MRPS18A: variants seen among roughly 807,000 people sequenced by gnomAD.
MRPS18A encodes the protein mitochondrial ribosomal protein S18A, also known as large ribosomal subunit protein mL66.
In MRPS18A, 20 loss-of-function variants were observed where a neutral mutation model predicts 22.7. The observed-to-expected ratio is 0.88, with a 90% confidence interval of 0.62 to 1.28. MRPS18A has a LOEUF of 1.28. Among genes scored for constraint, MRPS18A ranks in the 50% most tolerant of loss-of-function variants. The pLI, the probability that MRPS18A is intolerant of heterozygous loss-of-function variation, is 0.00. For synonymous variants in MRPS18A, 106 were observed against 99.1 expected, an observed-to-expected ratio of 1.07 and a Z score of -0.41; for missense variants, 294 against 262.6, an observed-to-expected ratio of 1.12 and a Z score of -0.83.
intron 1 of MRPS18A, among the ~76,000 whole-genome samples, chr6:43,683,031 CAT>C (rs1412444879): frequency 1.3e-5 from 2 of 152,312 alleles, no homozygotes; most frequent in South Asian, 2.1e-4. Flanking sequence ...AGTGGATAAA[CAT>C]GTGGTTCCCT....
chr6:43,679,631 T>C (rs1361511880), intron 2 of MRPS18A, among the ~76,000 whole-genome samples: 1 of 152,042 alleles, frequency 6.6e-6, no homozygotes, highest in African/African-American at 2.4e-5. Context: ...CTGTGGGTTA[T>C]GAGAGTGAGG....
intron 2 of MRPS18A, among the ~76,000 whole-genome samples, chr6:43,680,645 C>T (rs1375926410): frequency 2.0e-5 from 3 of 152,138 alleles, no homozygotes; most frequent in South Asian, 4.1e-4. Context: ...AGGCCAGGGC[C>T]GGGAGAATGT....
intron 1 of MRPS18A, among the ~76,000 whole-genome samples, chr6:43,683,642 G>A (rs1225891302): frequency 2.0e-5 from 3 of 152,180 alleles, no homozygotes; most frequent in Non-Finnish European, 4.4e-5. Flanking sequence ...TATCAAGTAA[G>A]CTAAGGGAAG....
rs1276458583 is a variant in MRPS18A at position 43,671,607 on chromosome 6, G to T, written c.*155C>A. 34 of 848,678 alleles carry T rather than the reference G, an allele frequency of 4.0e-5. 1 individual carries two copies. Among genetic ancestry groups the T allele is most frequent in the Non-Finnish European group, 6.1e-5 (33 of 540,766 alleles). The allele number at this position is 848,678 out of a possible 1,614,324, so 52.6% of individuals were successfully genotyped here. A position where few individuals can be genotyped will look rare whatever the true frequency, so the allele number is the denominator to read the frequency against. ...TGCTACTGTGCAGGCCAAGGGTACT[G>T]AAGTTAGTCCCACTGTCCCCTGTCC... On this transcript the variant is annotated 3_prime_UTR_variant, in exon 6 of 6. Transcript: ENST00000372133.
chr6:43,678,728 A>T lies in MRPS18A; in HGVS notation c.145-103T>A, dbSNP rs182959574. On this transcript the variant is annotated intron_variant, in intron 2 of 5. Transcript: ENST00000372133. ...ATGATGGTAATGCTGGTGAAAGTTT[A>T]CCTTGGGGGTTCTTGTGGGAGTAGC... 31 of 807,778 alleles carry T rather than the reference A, an allele frequency of 3.8e-5. No homozygotes were observed. The East Asian group carries it at 6.9e-4, about 18-fold the overall frequency. 50.0% of individuals were successfully genotyped at this position (807,778 alleles called of 1,614,324 possible). A position where few individuals can be genotyped will look rare whatever the true frequency, so the allele number is the denominator to read the frequency against.
At position 43,671,727 on chromosome 6, in the gene MRPS18A, A is replaced by C. The variant is rs1773706068; in HGVS notation, c.*35T>G. The C allele has an allele frequency of 6.2e-7, 1 of 1,612,068 alleles. No homozygotes were observed. Among genetic ancestry groups the C allele is most frequent in the African/African-American group, 1.3e-5 (1 of 74,900 alleles). On this transcript the variant is annotated 3_prime_UTR_variant, in exon 6 of 6. Coordinates refer to ENST00000372133, the MANE Select transcript of MRPS18A (RefSeq NM_018135.4). Reference sequence around the variant, plus strand: ...GAGTGGGCCTCCTACTCCCCAGCACAGGTGCAGGAGGAACTCTGGAAGCAC... The same window carrying C: ...GAGTGGGCCTCCTACTCCCCAGCACCGGTGCAGGAGGAACTCTGGAAGCAC...
Position 43,675,235 on chromosome 6 carries a change from CCTT to C in MRPS18A, c.410_412del (p.Glu137del). 1.3e-6 allele frequency: 2 copies of C among 1,524,300 alleles called. No individual in the cohort carries two copies. The highest frequency in any genetic ancestry group is 1.8e-6 in the Non-Finnish European group (2 of 1,137,258). 94.4% of individuals were successfully genotyped at this position (1,524,300 alleles called of 1,614,324 possible). ...TTGGGGTTTGCTCTTCGGAACAACT[CCTT>C]CAGGAAGCCGAGGCCTGTGATTTGG... On this transcript the variant is annotated inframe_deletion, in exon 5 of 6. Coordinates refer to ENST00000372133, the MANE Select transcript of MRPS18A (RefSeq NM_018135.4).
chr6:43,680,888 C>T (rs1015426113), intron 2 of MRPS18A, among the ~76,000 whole-genome samples: 1 of 152,226 alleles, frequency 6.6e-6, no homozygotes, highest in Non-Finnish European at 1.5e-5. Context: ...GCAGATACCT[C>T]AGCCCAGGCA....
chr6:43,678,544 TC>T lies in MRPS18A; in HGVS notation c.225del (p.Trp75Ter). 1 of 1,613,708 alleles carries T rather than the reference TC, an allele frequency of 6.2e-7. No homozygotes were observed. The highest frequency in any genetic ancestry group is 1.1e-5 in the South Asian group (1 of 91,066). On this transcript the variant is annotated frameshift_variant, in exon 3 of 6. Transcript: ENST00000372133. LOFTEE classifies it high-confidence loss of function. ...TCATAGTTATACTTGTGCTTCAGGT[TC>T]CAACGGCAGATGGGGCACTGGCCAG... ...NPSGQCPICR[W>X]NLKHKYNYDD...
At chr6:43,679,888 C>T (rs886734188) in intron 2 of MRPS18A, among the ~76,000 whole-genome samples, 3 of 152,184 alleles carry the variant, frequency 2.0e-5, no homozygotes, top group South Asian at 2.1e-4. Flanking sequence ...CATTTATTGA[C>T]TCCCCATTAT....
chr6:43,673,947 T>G lies in MRPS18A; in HGVS notation c.446+1255A>C, dbSNP rs1427482633. Among the ~76,000 whole-genome samples the G allele has an allele frequency of 6.6e-6, 1 of 152,156 alleles. No individual in the cohort carries two copies. The highest frequency in any genetic ancestry group is 1.5e-5 in the Non-Finnish European group (1 of 68,016). ...CAAAGGCCTGAGGCAGGATGGATTG[T>G]GTCCTCAGGCCTGCTGCTGTCTCTT... On this transcript the variant is annotated intron_variant, in intron 5 of 5. Coordinates refer to ENST00000372133, the MANE Select transcript of MRPS18A (RefSeq NM_018135.4). The surrounding 1 kb of genome is among the most constrained non-coding windows in gnomAD (Gnocchi z 4.2).
intron 2 of MRPS18A, among the ~76,000 whole-genome samples, chr6:43,679,445 C>A (rs1007264932): frequency 6.6e-6 from 1 of 152,224 alleles, no homozygotes; most frequent in African/African-American, 2.4e-5. Flanking sequence ...ATGCTCCTTG[C>A]TTTTATCATT....
intron 2 of MRPS18A, among the ~76,000 whole-genome samples, chr6:43,680,680 G>A (rs897646298): frequency 6.6e-6 from 1 of 152,236 alleles, no homozygotes; most frequent in African/African-American, 2.4e-5. Flanking sequence ...ATCATTTAAG[G>A]AGCAGTTTAG....
intron 1 of MRPS18A, among the ~76,000 whole-genome samples, chr6:43,684,862 G>GT: frequency 6.6e-6 from 1 of 152,032 alleles, no homozygotes; most frequent in Middle Eastern, 3.4e-3. Flanking sequence ...TAATATGTTT[G>GT]TTTTTTTATT....
At chr6:43,674,884 G>A (rs1327784528) in intron 5 of MRPS18A, among the ~76,000 whole-genome samples, 3 of 152,186 alleles carry the variant, frequency 2.0e-5, no homozygotes, top group Admixed American at 6.5e-5. Flanking sequence ...CCCAGCGCTG[G>A]AGAGAGCTAG....
intron 4 of MRPS18A, 46 bp downstream of exon 4, chr6:43,675,448 G>C (rs1467760431): frequency 6.2e-7 from 1 of 1,613,984 alleles, no homozygotes; most frequent in Non-Finnish European, 8.5e-7. Context: ...GGTGGGGAGA[G>C]AGTGCCTGCA....
chr6:43,682,422 GAC>G (rs1774471930), intron 1 of MRPS18A, among the ~76,000 whole-genome samples: 1 of 152,140 alleles, frequency 6.6e-6, no homozygotes, highest in Non-Finnish European at 1.5e-5. Context: ...CACCTAATTG[GAC>G]ACAGACTGCT....
At chr6:43,685,332 C>A (rs918598101) in intron 1 of MRPS18A, among the ~76,000 whole-genome samples, 1 of 152,088 alleles carries the variant, frequency 6.6e-6, no homozygotes, top group African/African-American at 2.4e-5. Context: ...CTTTTTTTGG[C>A]TTTGTGTATC....
In MRPS18A at chr6:43,678,369, G is replaced by A. The variant is rs72859041; in HGVS notation, c.252+149C>T. On this transcript the variant is annotated intron_variant, in intron 3 of 5. Coordinates refer to ENST00000372133, the MANE Select transcript of MRPS18A (RefSeq NM_018135.4). ...CCAGGTGATTCTAATGTGCAGCCAG[G>A]GTTGAGAACAACTGGACAAAATGCT... The A allele has an allele frequency of 7.5e-3, 4,625 of 617,754 alleles. 28 individuals carry two copies. Among genetic ancestry groups the A allele is most frequent in the Non-Finnish European group, 0.011 (3,798 of 341,606 alleles). The allele number at this position is 617,754 out of a possible 1,614,324, so 38.3% of individuals were successfully genotyped here.
Sources: gnomAD v4.1 joint callset for allele counts (sites outside exome capture counted in the v4.1 genomes callset) on GRCh38, gnomAD v4.1.1 for gene constraint, Gnocchi (gnomAD v3.1) non-coding constraint, MANE v1.5 for transcripts, NCBI Gene and HGNC (gene_info 2026-07-23, HGNC 2026-07-21) for gene names.